CACNA1C: variants seen among roughly 807,000 people sequenced by gnomAD.
CACNA1C encodes the protein calcium voltage-gated channel subunit alpha1 C.
Under a neutral mutation model 229.0 loss-of-function variants are expected in CACNA1C, and 30 were observed. The ratio of observed to expected loss-of-function variants is 0.13; its 90% CI spans 0.10 to 0.18. The LOEUF is 0.18. Ranked by LOEUF, CACNA1C falls within the 10% of genes least tolerant of loss-of-function variation. CACNA1C has a pLI of 1.00. For missense variants in CACNA1C, 1,658 were observed against 2,845.0 expected (o/e 0.58, Z 9.49); for synonymous variants, 1,114 against 1,132.5 (o/e 0.98, Z 0.33).
chr12:2,508,773 T>C lies in CACNA1C; in HGVS notation c.1217+3828T>C, dbSNP rs575247803. 2.0e-4 allele frequency among the ~76,000 whole-genome samples: 31 copies of C among 152,348 alleles called. 1 individual carries two copies. In the South Asian group the frequency reaches 6.2e-3, roughly 31 times the overall value. On this transcript the variant is annotated intron_variant, in intron 8 of 46. Coordinates refer to ENST00000399655, the MANE Select transcript of CACNA1C (RefSeq NM_000719.7). Reference sequence around the variant, plus strand: ...AACACCTATTTCTGATGAGGCCAGATAAAGTCAATATAAAGAATAGATATT... The same window carrying C: ...AACACCTATTTCTGATGAGGCCAGACAAAGTCAATATAAAGAATAGATATT...
intron 3 of CACNA1C, among the ~76,000 whole-genome samples, chr12:2,229,619 A>G (rs1185389400): frequency 6.6e-6 from 1 of 152,168 alleles, no homozygotes; most frequent in Admixed American, 6.5e-5. Context: ...TTACTTTTAA[A>G]TAAGACGATG....
intron 1 of CACNA1C, among the ~76,000 whole-genome samples, chr12:2,046,743 T>C (rs1219027141): frequency 1.3e-5 from 2 of 152,200 alleles, no homozygotes; most frequent in Non-Finnish European, 2.9e-5. Flanking sequence ...TGGCTTCCCC[T>C]TGGGACGGAC....
chr12:2,649,398 T>C lies in CACNA1C; in HGVS notation c.3945+891T>C, dbSNP rs908610701. On this transcript the variant is annotated intron_variant, in intron 31 of 46. Coordinates refer to ENST00000399655, the MANE Select transcript of CACNA1C (RefSeq NM_000719.7). This position sits in a 1 kb window ranked among gnomAD's most constrained non-coding sequence, Gnocchi z 4.4. ...AGGCAAGCTTGGGTGGGTTGATGTG[T>C]TCCCCAGTGCAGCCTGGCGCTGCCT... Among the ~76,000 whole-genome samples, 1 of 152,216 alleles carries C rather than the reference T, an allele frequency of 6.6e-6. No homozygotes were observed. Among genetic ancestry groups the C allele is most frequent in the South Asian group, 2.1e-4 (1 of 4,828 alleles).
At chr12:2,023,974 T>C (rs944485876) in intron 1 of CACNA1C, among the ~76,000 whole-genome samples, 17 of 152,200 alleles carry the variant, frequency 1.1e-4, no homozygotes, top group African/African-American at 3.9e-4. Flanking sequence ...TAGTTTAATC[T>C]TCCCAGATTA....
intron 1 of CACNA1C, among the ~76,000 whole-genome samples, chr12:2,033,633 AAACAACAACACAAC>A (rs964653297): frequency 1.3e-5 from 2 of 152,162 alleles, no homozygotes; most frequent in Non-Finnish European, 2.9e-5. Context: ...AAACATGAGA[AAACAACAACACAAC>A]AACAACAACA....
intron 3 of CACNA1C, among the ~76,000 whole-genome samples, chr12:2,448,144 A>T (rs752919293): frequency 4.6e-5 from 7 of 152,216 alleles, no homozygotes; most frequent in Non-Finnish European, 7.3e-5. Flanking sequence ...AATTGAGCCA[A>T]CAAGTTTGTC....
chr12:2,068,419 T>C (rs2060155675), intron 1 of CACNA1C, among the ~76,000 whole-genome samples: 1 of 152,094 alleles, frequency 6.6e-6, no homozygotes, highest in South Asian at 2.1e-4. Context: ...AGACCTAGTG[T>C]CTCTGAGTTG....
intron 3 of CACNA1C, among the ~76,000 whole-genome samples, chr12:2,446,727 G>C (rs1331136734): frequency 6.6e-6 from 1 of 151,006 alleles, no homozygotes; most frequent in African/African-American, 2.4e-5. Context: ...ATGGACAGGT[G>C]GGTGAATGGA....
Position 2,555,875 on chromosome 12 carries a change from C to T in CACNA1C, c.1482-1076C>T, listed in dbSNP as rs1015746158. Among the ~76,000 whole-genome samples, 14 of 152,242 alleles carry T rather than the reference C, an allele frequency of 9.2e-5. No individual in the cohort carries two copies. In the East Asian group the frequency reaches 1.6e-3, roughly 17 times the overall value. On this transcript the variant is annotated intron_variant, in intron 10 of 46. Coordinates refer to ENST00000399655, the MANE Select transcript of CACNA1C (RefSeq NM_000719.7). ...CTGCGACACAGCTAGCTGTGTGCCG[C>T]GCTGGGACGTCGCAGGCCTGCGGCG...
At chr12:2,599,516 A>G (rs2070730790) in intron 21 of CACNA1C, among the ~76,000 whole-genome samples, 1 of 152,218 alleles carries the variant, frequency 6.6e-6, no homozygotes, top group South Asian at 2.1e-4. Flanking sequence ...ATCACAAAAA[A>G]AGACAGGTTT....
At chr12:2,497,961 T>C (rs1367519904) in intron 7 of CACNA1C, among the ~76,000 whole-genome samples, 2 of 111,700 alleles carry the variant, frequency 1.8e-5, no homozygotes, top group Non-Finnish European at 3.5e-5. Context: ...AAGGTATTTC[T>C]ATTAAATTCA....
intron 1 of CACNA1C, among the ~76,000 whole-genome samples, chr12:2,003,556 AC>A (rs2042674899): frequency 6.6e-6 from 1 of 152,192 alleles, no homozygotes; most frequent in Admixed American, 6.5e-5. Flanking sequence ...CTAGGCTTCT[AC>A]CCCATTCTAA....
At chr12:2,002,730 T>A (rs2042457452) in intron 1 of CACNA1C, among the ~76,000 whole-genome samples, 1 of 152,248 alleles carries the variant, frequency 6.6e-6, no homozygotes, top group Non-Finnish European at 1.5e-5. Context: ...CTCATCTCTC[T>A]ACTACGGAAT....
chr12:2,285,268 T>A lies in CACNA1C; in HGVS notation c.478-163708T>A, dbSNP rs76408048. 0.043 allele frequency among the ~76,000 whole-genome samples: 6,586 copies of A among 152,300 alleles called. 178 individuals are homozygous for A. Among genetic ancestry groups the A allele is most frequent in the Middle Eastern group, 0.065 (19 of 294 alleles). On this transcript the variant is annotated intron_variant, in intron 3 of 46. Transcript: ENST00000399655. This position sits in a 1 kb window ranked among gnomAD's most constrained non-coding sequence, Gnocchi z 4.2. ...AACCCTTTACACTGGGCATTCAATGTCATCACATTGATAACTTGAAATGGG... is the reference window on the plus strand; with the variant it reads ...AACCCTTTACACTGGGCATTCAATGACATCACATTGATAACTTGAAATGGG...
chr12:2,334,498 A>G (rs1370508053), intron 3 of CACNA1C, among the ~76,000 whole-genome samples: 1 of 152,122 alleles, frequency 6.6e-6, no homozygotes, highest in Non-Finnish European at 1.5e-5. Flanking sequence ...GATGTCTGGC[A>G]AGTCATGGTT....
chr12:2,315,857 A>C (rs1371207627), intron 3 of CACNA1C, among the ~76,000 whole-genome samples: 1 of 152,244 alleles, frequency 6.6e-6, no homozygotes, highest in East Asian at 1.9e-4. Context: ...CACTTTTAGC[A>C]GTAAGAGTGC....
intron 1 of CACNA1C, among the ~76,000 whole-genome samples, chr12:2,033,971 C>T (rs2048666062): frequency 6.6e-6 from 1 of 152,140 alleles, no homozygotes; most frequent in African/African-American, 2.4e-5. Context: ...GAGAGTGGCT[C>T]ATGTTCTGGC....
chr12:2,369,501 C>T (rs1336703412), intron 3 of CACNA1C, among the ~76,000 whole-genome samples: 2 of 151,150 alleles, frequency 1.3e-5, no homozygotes, highest in South Asian at 2.1e-4. Flanking sequence ...CGGGTTCAAG[C>T]GATTCTCCTA....
intron 3 of CACNA1C, among the ~76,000 whole-genome samples, chr12:2,323,946 G>A (rs1313292936): frequency 6.6e-6 from 1 of 152,184 alleles, no homozygotes; most frequent in Non-Finnish European, 1.5e-5. Context: ...TGAGTGAAGG[G>A]CATGGAGAAG....
Sources: gnomAD v4.1 joint callset for allele counts (sites outside exome capture counted in the v4.1 genomes callset) on GRCh38, gnomAD v4.1.1 for gene constraint, Gnocchi (gnomAD v3.1) non-coding constraint, MANE v1.5 for transcripts, NCBI Gene and HGNC (gene_info 2026-07-23, HGNC 2026-07-21) for gene names.